The following IGF1 variants were observed in gnomAD, a reference collection of about 807,000 sequenced individuals.
IGF1 encodes insulin-like growth factor 1.
In IGF1, 4 loss-of-function variants were observed where a neutral mutation model predicts 13.8. The observed-to-expected ratio is 0.29, with a 90% CI of 0.14 to 0.66. IGF1 has a LOEUF of 0.66. Ranked by LOEUF, IGF1 falls within the 30% of genes least tolerant of loss-of-function variation. The pLI is 0.78. For synonymous variants in IGF1, 76 were observed against 72.6 expected (o/e 1.05, Z -0.23); for missense variants, 124 against 188.5 (o/e 0.66, Z 2.00).
At chr12:102,430,343 C>T (rs1429340188) in intron 2 of IGF1, among the ~76,000 whole-genome samples, 1 of 152,232 alleles carries the variant, frequency 6.6e-6, no homozygotes, top group African/African-American at 2.4e-5. Context: ...TCAAAATCCA[C>T]TGACCTCCTG....
intron 2 of IGF1, among the ~76,000 whole-genome samples, chr12:102,439,352 A>G (rs942283718): frequency 1.2e-4 from 18 of 152,356 alleles, no homozygotes; most frequent in African/African-American, 4.3e-4. Flanking sequence ...AATGTTTTTC[A>G]GATGGCACTA....
intron 2 of IGF1, among the ~76,000 whole-genome samples, chr12:102,470,793 C>T (rs1362267158): frequency 6.6e-6 from 1 of 152,148 alleles, no homozygotes. Flanking sequence ...ATTATACACT[C>T]TCTTCTTTAA....
chr12:102,472,666 T>C (rs1027878491), intron 2 of IGF1, among the ~76,000 whole-genome samples: 1 of 152,178 alleles, frequency 6.6e-6, no homozygotes, highest in Non-Finnish European at 1.5e-5. Context: ...GGAAGAATGC[T>C]TCCCTCTAAA....
At chr12:102,464,059 G>A (rs1880122553) in intron 2 of IGF1, among the ~76,000 whole-genome samples, 2 of 152,164 alleles carry the variant, frequency 1.3e-5, no homozygotes, top group African/African-American at 4.8e-5. Flanking sequence ...TCATACCTTA[G>A]CCAGGGATGT....
intron 3 of IGF1, among the ~76,000 whole-genome samples, chr12:102,415,487 CAT>C (rs1232906935): frequency 2.6e-5 from 4 of 151,472 alleles, no homozygotes; most frequent in Admixed American, 2.6e-4. Context: ...TCTTATAGTA[CAT>C]AGTTTGCTAG....
In IGF1 at chr12:102,396,712, C is replaced by T. The variant is rs142260297; in HGVS notation, c.*5795G>A. ...TTGAAAGTGAAAGGTAATTCAGCTC[C>T]GGTTATTAGGAGAAACTCTGTCTCC... On this transcript the variant is annotated 3_prime_UTR_variant, in exon 4 of 4. Transcript: ENST00000337514. 55 of 392,410 alleles carry T rather than the reference C, an allele frequency of 1.4e-4. No homozygotes were observed. Among genetic ancestry groups the T allele is most frequent in the African/African-American group, 8.7e-4 (42 of 48,412 alleles). 24.3% of individuals were successfully genotyped at this position (392,410 alleles called of 1,614,324 possible).
intron 2 of IGF1, among the ~76,000 whole-genome samples, chr12:102,434,294 C>T (rs1338718822): frequency 2.0e-3 from 233 of 113,692 alleles, no homozygotes; most frequent in African/African-American, 7.6e-3. Flanking sequence ...TGCTATCCCT[C>T]CCCCCTCCCC....
At chr12:102,456,058 A>T (rs12310428) in intron 2 of IGF1, among the ~76,000 whole-genome samples, 3,381 of 152,214 alleles carry the variant, frequency 0.022, 137 homozygotes, top group African/African-American at 0.078. Context: ...TTGCTAAGGA[A>T]CCATATGTAC....
intron 2 of IGF1, chr12:102,463,072 A>G (rs572065304): frequency 6.6e-6 from 1 of 152,312 alleles, no homozygotes; most frequent in South Asian, 2.1e-4. Context: ...GAAATTTGTT[A>G]TATGTTTCAG....
chr12:102,399,772 C>A lies in IGF1; in HGVS notation c.*2735G>T, dbSNP rs1229584706. 1 of 152,144 alleles carries A rather than the reference C, an allele frequency of 6.6e-6. No individual in the cohort carries two copies. Among genetic ancestry groups the A allele is most frequent in the Non-Finnish European group, 1.5e-5 (1 of 68,012 alleles). 9.4% of individuals were successfully genotyped at this position (152,144 alleles called of 1,614,324 possible). A position where few individuals can be genotyped will look rare whatever the true frequency, so the allele number is the denominator to read the frequency against. ...ATAGACACTCTTAGAATTATCACAT[C>A]TAACTATGACAGAAAACACGTTAAG... On this transcript the variant is annotated 3_prime_UTR_variant, in exon 4 of 4. Coordinates refer to ENST00000337514, the MANE Select transcript of IGF1 (RefSeq NM_000618.5).
Position 102,397,097 on chromosome 12 carries a change from G to C in IGF1, c.*5410C>G, listed in dbSNP as rs1306283025. 2 of 338,136 alleles carry C rather than the reference G, an allele frequency of 5.9e-6. No individual in the cohort carries two copies. Among genetic ancestry groups the C allele is most frequent in the Middle Eastern group, 7.8e-4 (1 of 1,284 alleles). The allele number at this position is 338,136 out of a possible 1,614,324, so 20.9% of individuals were successfully genotyped here. ...GGTGCCTGTAATCCCAGCTACTCAGGAGGCTGAGGCAGGAGAATCGCTTAA... is the reference window on the plus strand; with the variant it reads ...GGTGCCTGTAATCCCAGCTACTCAGCAGGCTGAGGCAGGAGAATCGCTTAA... On this transcript the variant is annotated 3_prime_UTR_variant, in exon 4 of 4. Coordinates refer to ENST00000337514, the MANE Select transcript of IGF1 (RefSeq NM_000618.5).
intron 2 of IGF1, among the ~76,000 whole-genome samples, chr12:102,456,059 C>A (rs899469932): frequency 3.3e-5 from 5 of 152,104 alleles, no homozygotes; most frequent in African/African-American, 1.2e-4. Context: ...TGCTAAGGAA[C>A]CATATGTACA....
chr12:102,422,603 T>C (rs1323400580), intron 2 of IGF1, among the ~76,000 whole-genome samples: 1 of 152,232 alleles, frequency 6.6e-6, no homozygotes, highest in Non-Finnish European at 1.5e-5. Context: ...AATAAAGATA[T>C]TTGCTGCTAT....
intron 2 of IGF1, among the ~76,000 whole-genome samples, chr12:102,451,224 G>T (rs550371450): frequency 1.3e-5 from 2 of 152,328 alleles, no homozygotes; most frequent in South Asian, 4.1e-4. Flanking sequence ...CATCAATGAA[G>T]TTTTTATCAA....
At chr12:102,473,921 A>G (rs368252650) in intron 2 of IGF1, among the ~76,000 whole-genome samples, 1 of 152,208 alleles carries the variant, frequency 6.6e-6, no homozygotes, top group East Asian at 1.9e-4. Flanking sequence ...TGCACTGTGC[A>G]TGGAAATTCT....
At chr12:102,441,924 T>TCTTCTTCTTCTTCTCCTTCTC (rs1877813281) in intron 2 of IGF1, among the ~76,000 whole-genome samples, 2 of 125,514 alleles carry the variant, frequency 1.6e-5, no homozygotes, top group Non-Finnish European at 3.4e-5. Context: ...TCCTTCTTCT[T>TCTTCTTCTTCTTCTCCTTCTC]CTTCTTCTTC....
At chr12:102,445,911 A>G (rs1878279480) in intron 2 of IGF1, among the ~76,000 whole-genome samples, 1 of 152,156 alleles carries the variant, frequency 6.6e-6, no homozygotes, top group South Asian at 2.1e-4. Flanking sequence ...TGTTCCATCA[A>G]TACCTAGTTT....
chr12:102,406,277 C>T (rs1874146057), intron 3 of IGF1, among the ~76,000 whole-genome samples: 1 of 152,206 alleles, frequency 6.6e-6, no homozygotes, highest in African/African-American at 2.4e-5. Context: ...TTAATTACGC[C>T]AGCCACCCTT....
intron 2 of IGF1, among the ~76,000 whole-genome samples, chr12:102,455,418 A>G (rs1266153951): frequency 6.6e-6 from 1 of 152,250 alleles, no homozygotes; most frequent in African/African-American, 2.4e-5. Flanking sequence ...TTTCTTTATG[A>G]GTTAGAACCC....
Sources: allele counts gnomAD v4.1 joint callset (sites outside exome capture counted in the v4.1 genomes callset), GRCh38; gene constraint gnomAD v4.1.1; transcripts MANE v1.5; gene names NCBI Gene and HGNC (gene_info 2026-07-23, HGNC 2026-07-21).